Variants in F3 observed in about 807,000 individuals in gnomAD.
The protein encoded by F3 is tissue factor.
F3 carries 18 observed loss-of-function variants against 33.5 expected under a neutral mutation model. The ratio of observed to expected loss-of-function variants is 0.54; its 90% CI spans 0.37 to 0.80. The LOEUF is 0.80. F3 is among the 30% of genes least tolerant of loss of function. The pLI is 0.00. For synonymous variants in F3, 147 were observed against 140.7 expected (o/e 1.05, Z -0.32); for missense variants, 353 against 362.1 (o/e 0.97, Z 0.20).
chr1:94,539,330 T>G lies in F3; in HGVS notation c.212+927A>C, dbSNP rs146762414. On this transcript the variant is annotated intron_variant, in intron 2 of 5. Transcript: ENST00000334047. Reference sequence around the variant, plus strand: ...GGCAACTACTGTCATGAAGTTCATTTTGAAAAACAAGAACATTCACTTAAA... The same window carrying G: ...GGCAACTACTGTCATGAAGTTCATTGTGAAAAACAAGAACATTCACTTAAA... Among the ~76,000 whole-genome samples, 1,032 of 152,286 alleles carry G rather than the reference T, an allele frequency of 6.8e-3. 8 individuals carry two copies. The highest frequency in any genetic ancestry group is 0.011 in the Admixed American group (173 of 15,300).
chr1:94,540,218 A>G (rs764653299), intron 2 of F3, 39 bp downstream of exon 2: 1 of 1,314,548 alleles, frequency 7.6e-7, no homozygotes, highest in Admixed American at 1.7e-5. Flanking sequence ...CAGTAGAAAC[A>G]TCAAAGACCT....
intron 1 of F3, among the ~76,000 whole-genome samples, chr1:94,541,322 G>A (rs1651769637): frequency 6.6e-6 from 1 of 152,210 alleles, no homozygotes; most frequent in Non-Finnish European, 1.5e-5. Context: ...AGGGGCAGCG[G>A]GGTCTGGGGC....
chr1:94,532,346 C>T lies in F3; in HGVS notation c.726G>A (p.Met242Ile). The T allele has an allele frequency of 6.2e-7, 1 of 1,614,188 alleles. No homozygotes were observed. The highest frequency in any genetic ancestry group is 8.5e-7 in the Non-Finnish European group (1 of 1,180,026). ...RKSTDSPVEC[M>I]GQEKGEFREI... ...CTCTGAATTCCCCTTTCTCCTGGCC[C>T]ATACACTCTACCGGGCTGTCTGTAC... Residue 242 changes from methionine to isoleucine, a missense_variant, in exon 5 of 6, where the codon ATG becomes ATA. Met to Ile is a conservative substitution (Grantham distance 10, BLOSUM62 1). Transcript: ENST00000334047.
intron 2 of F3, among the ~76,000 whole-genome samples, chr1:94,537,203 A>T (rs1651631649): frequency 6.6e-6 from 1 of 152,206 alleles, no homozygotes; most frequent in South Asian, 2.1e-4. Flanking sequence ...GAAATGATTT[A>T]AAGGACTTCT....
At chr1:94,532,900 G>T (rs539949496) in intron 4 of F3, 190 bp downstream of exon 4, 58 of 624,492 alleles carry the variant, frequency 9.3e-5, no homozygotes, top group African/African-American at 7.8e-4. Context: ...AGAGTCACAG[G>T]GTAGTGCAGA....
chr1:94,539,073 C>T (rs1651694321), intron 2 of F3, among the ~76,000 whole-genome samples: 1 of 152,238 alleles, frequency 6.6e-6, no homozygotes, highest in Admixed American at 6.5e-5. Context: ...AGCATTCCTC[C>T]CAAAATCTAA....
chr1:94,534,025 C>T (rs775747140), intron 3 of F3, among the ~76,000 whole-genome samples: 33 of 152,090 alleles, frequency 2.2e-4, no homozygotes, highest in South Asian at 4.1e-4. Context: ...CACAACCACG[C>T]CTGGCTAATT....
intron 3 of F3, 40 bp from the exon 4 acceptor site, chr1:94,533,308 T>G (rs1651490563): frequency 6.3e-7 from 1 of 1,585,980 alleles, no homozygotes. Flanking sequence ...ACCAAAGAAT[T>G]CTGTACAAAG....
At chr1:94,539,245 C>T (rs72968354) in intron 2 of F3, among the ~76,000 whole-genome samples, 192 of 152,078 alleles carry the variant, frequency 1.3e-3, no homozygotes, top group African/African-American at 4.1e-3. Context: ...TCTCTCCCCC[C>T]ACCCCCATAC....
intron 2 of F3, among the ~76,000 whole-genome samples, chr1:94,537,992 G>T (rs1487457319): frequency 6.6e-6 from 1 of 152,050 alleles, no homozygotes; most frequent in Non-Finnish European, 1.5e-5. Context: ...TCACAGCAGG[G>T]ACCACATACT....
Position 94,529,676 on chromosome 1 carries a change from A to G in F3, c.*784T>C, listed in dbSNP as rs1265001051. ...ATTTCCAAATGTATTCCTGAAAAAA[A>G]AAAGAACCTAAACACTATATTATAG... On this transcript the variant is annotated 3_prime_UTR_variant, in exon 6 of 6. Transcript: ENST00000334047. The G allele has an allele frequency of 6.6e-6, 1 of 152,560 alleles. No homozygotes were observed. Among genetic ancestry groups the G allele is most frequent in the Non-Finnish European group, 1.5e-5 (1 of 68,038 alleles). The allele number at this position is 152,560 out of a possible 1,614,324, so 9.5% of individuals were successfully genotyped here.
intron 1 of F3, 86 bp downstream of exon 1, chr1:94,541,451 C>A (rs1251883067): frequency 7.2e-6 from 8 of 1,114,218 alleles, no homozygotes; most frequent in African/African-American, 1.6e-5. Context: ...CCCCGGGGAA[C>A]CAGGGCGAGC....
At chr1:94,535,115 C>T (rs1164119197) in intron 3 of F3, among the ~76,000 whole-genome samples, 1 of 152,130 alleles carries the variant, frequency 6.6e-6, no homozygotes, top group African/African-American at 2.4e-5. Context: ...TGTCCGTCCA[C>T]CCCTTCTTTT....
intron 2 of F3, among the ~76,000 whole-genome samples, chr1:94,537,367 G>T (rs982692654): frequency 2.6e-5 from 4 of 152,112 alleles, no homozygotes; most frequent in Admixed American, 6.5e-5. Context: ...ATCGTTCAAG[G>T]CCAGGTCCCA....
intron 3 of F3, among the ~76,000 whole-genome samples, chr1:94,535,003 G>T (rs372715270): frequency 2.1e-4 from 32 of 152,140 alleles, no homozygotes; most frequent in Middle Eastern, 6.8e-3. Flanking sequence ...GGTCTGGAGG[G>T]TCTTGCAAAT....
intron 3 of F3, among the ~76,000 whole-genome samples, chr1:94,534,452 A>C (rs1339912382): frequency 6.6e-6 from 1 of 152,188 alleles, no homozygotes; most frequent in Non-Finnish European, 1.5e-5. Context: ...TTTAATGTGT[A>C]ATCAATATAA....
chr1:94,532,928 G>A (rs1304021052), intron 4 of F3, 162 bp downstream of exon 4: 2 of 693,496 alleles, frequency 2.9e-6, no homozygotes, highest in Non-Finnish European at 4.8e-6. Context: ...GTAGGACCAG[G>A]CCTGTTGTCC....
rs766708557 is a variant in F3, at chr1:94,541,679, C to T, written c.-43G>A. 1 of 1,310,322 alleles carries T rather than the reference C, an allele frequency of 7.6e-7. No homozygotes were observed. Among genetic ancestry groups the T allele is most frequent in the Non-Finnish European group, 9.9e-7 (1 of 1,005,198 alleles). The allele number at this position is 1,310,322 out of a possible 1,614,324, so 81.2% of individuals were successfully genotyped here. A position where few individuals can be genotyped will look rare whatever the true frequency, so the allele number is the denominator to read the frequency against. Reference sequence around the variant, plus strand: ...GAGATCGAGCGGGTTCCGTGGCGCCCGTGGGGCTGGGGAGGTTGGGCTGAA... The same window carrying T: ...GAGATCGAGCGGGTTCCGTGGCGCCTGTGGGGCTGGGGAGGTTGGGCTGAA... On this transcript the variant is annotated 5_prime_UTR_variant, in exon 1 of 6. Coordinates refer to ENST00000334047, the MANE Select transcript of F3 (RefSeq NM_001993.5).
At chr1:94,540,959 GTC>G (rs1267482643) in intron 1 of F3, 2 of 153,254 alleles carry the variant, frequency 1.3e-5, no homozygotes, top group Non-Finnish European at 2.9e-5. Flanking sequence ...GCAGGTCCCA[GTC>G]TCTACGCCGT....
Sources: allele counts gnomAD v4.1 joint callset (sites outside exome capture counted in the v4.1 genomes callset), GRCh38; gene constraint gnomAD v4.1.1; transcripts MANE v1.5; gene names NCBI Gene and HGNC (gene_info 2026-07-23, HGNC 2026-07-21).